WIPF1: variants seen among roughly 807,000 people sequenced by gnomAD.
WIPF1 encodes the protein WAS/WASL-interacting protein family member 1.
A neutral mutation model predicts 35.4 loss-of-function variants in WIPF1; 13 were observed. That is an observed-to-expected ratio of 0.37 (90% CI 0.24 to 0.58). The LOEUF is 0.58. WIPF1 is among the 20% of genes least tolerant of loss of function. WIPF1 has a pLI of 0.74. For missense variants in WIPF1, 591 were observed against 667.0 expected (o/e 0.89, Z 1.25); for synonymous variants, 267 against 266.3 (o/e 1.00, Z -0.02).
rs1292930575 is a variant in WIPF1 at position 174,559,643 on chromosome 2, C to T, written c.*2904G>A. ...GATGTCTAGGGTAGTCTCTACCCTA[C>T]CACTTACACTATCCTGATGACACAG... On this transcript the variant is annotated 3_prime_UTR_variant, in exon 8 of 8. Coordinates refer to ENST00000679041, the MANE Select transcript of WIPF1 (RefSeq NM_001375834.1). 3 of 152,196 alleles carry T rather than the reference C, an allele frequency of 2.0e-5. No homozygotes were observed. The highest frequency in any genetic ancestry group is 6.5e-5 in the Admixed American group (1 of 15,280). 9.4% of individuals were successfully genotyped at this position (152,196 alleles called of 1,614,324 possible). A position where few individuals can be genotyped will look rare whatever the true frequency, so the allele number is the denominator to read the frequency against.
chr2:174,588,052 G>T (rs1685480717), intron 1 of WIPF1, among the ~76,000 whole-genome samples: 1 of 152,170 alleles, frequency 6.6e-6, no homozygotes, highest in African/African-American at 2.4e-5. Flanking sequence ...CTCCATCAAG[G>T]GGCATCTCCA....
intron 3 of WIPF1, among the ~76,000 whole-genome samples, chr2:174,580,403 C>T (rs1327480877): frequency 6.6e-6 from 1 of 152,188 alleles, no homozygotes. Flanking sequence ...TCCTTCTCTA[C>T]TCATTAGGTA....
intron 1 of WIPF1, among the ~76,000 whole-genome samples, chr2:174,677,304 G>C (rs917694992): frequency 2.0e-5 from 3 of 152,244 alleles, no homozygotes; most frequent in African/African-American, 7.2e-5. Context: ...ATCTTACAGA[G>C]TGGAATAAAT....
chr2:174,632,644 G>T (rs1242048532), intron 1 of WIPF1, among the ~76,000 whole-genome samples: 1 of 149,318 alleles, frequency 6.7e-6, no homozygotes, highest in African/African-American at 2.5e-5. Context: ...AGAAGGCAGG[G>T]GTTGCAGTGA....
At chr2:174,567,769 G>A in intron 6 of WIPF1, 92 bp downstream of exon 6, 1 of 1,381,244 alleles carries the variant, frequency 7.2e-7, no homozygotes, top group South Asian at 1.4e-5. Context: ...GATGGAACAA[G>A]AAATTAAACG....
At chr2:174,667,995 A>G (rs1221089745) in intron 1 of WIPF1, among the ~76,000 whole-genome samples, 1 of 152,132 alleles carries the variant, frequency 6.6e-6, no homozygotes, top group Non-Finnish European at 1.5e-5. Context: ...CAAACTCTAC[A>G]GGACAGCTAC....
intron 1 of WIPF1, among the ~76,000 whole-genome samples, chr2:174,589,025 G>C (rs1044297956): frequency 4.8e-4 from 73 of 152,286 alleles, no homozygotes; most frequent in African/African-American, 1.7e-3. Context: ...CTGAACAACT[G>C]CTGGGCACGG....
At chr2:174,649,839 C>T (rs1255042157) in intron 1 of WIPF1, among the ~76,000 whole-genome samples, 3 of 152,166 alleles carry the variant, frequency 2.0e-5, no homozygotes, top group Non-Finnish European at 4.4e-5. Context: ...TCTGAATAGA[C>T]GTAATTTCTA....
At chr2:174,606,972 T>C (rs1322948805) in intron 1 of WIPF1, among the ~76,000 whole-genome samples, 1 of 152,180 alleles carries the variant, frequency 6.6e-6, no homozygotes, top group Non-Finnish European at 1.5e-5. Context: ...TCTTGCCGTG[T>C]CATTACCATG....
chr2:174,669,607 C>T (rs936694500), intron 1 of WIPF1, among the ~76,000 whole-genome samples: 6 of 152,216 alleles, frequency 3.9e-5, no homozygotes, highest in Admixed American at 6.5e-5. Flanking sequence ...CAGAGCTGGG[C>T]GCCGTGGCTC....
intron 1 of WIPF1, chr2:174,676,816 T>C (rs1030139616): frequency 2.6e-5 from 4 of 152,210 alleles, no homozygotes; most frequent in African/African-American, 9.6e-5. Context: ...AGAATCATGG[T>C]TATTTTTTAA....
intron 7 of WIPF1, among the ~76,000 whole-genome samples, chr2:174,563,265 T>C (rs903872255): frequency 6.6e-6 from 1 of 152,230 alleles, no homozygotes; most frequent in Non-Finnish European, 1.5e-5. Context: ...ACTCTGTCGA[T>C]GTGTTCTTTT....
chr2:174,658,462 G>A (rs1687691916), intron 1 of WIPF1, among the ~76,000 whole-genome samples: 2 of 152,160 alleles, frequency 1.3e-5, no homozygotes, highest in African/African-American at 4.8e-5. Context: ...ATTCAGCAGG[G>A]CAAGGTGAGA....
chr2:174,606,936 C>T (rs1228185950), intron 1 of WIPF1, among the ~76,000 whole-genome samples: 7 of 152,042 alleles, frequency 4.6e-5, no homozygotes, highest in African/African-American at 1.7e-4. Flanking sequence ...AGTCCAAGGT[C>T]GAGGGGCCAC....
Position 174,635,525 on chromosome 2 carries a change from G to GTTTTT in WIPF1, c.-39+47248_-39+47249insAAAAA, listed in dbSNP as rs1179795195. On this transcript the variant is annotated intron_variant, in intron 1 of 8. Coordinates refer to the WIPF1 transcript ENST00000272746. ...CTTGTTCTACTCACTGGTGCCTTCT[G>GTTTTT]TTTGTTTTTTTTTTTTTTTTTTTTT... is the stretch of plus-strand genomic sequence containing the variant. Among the ~76,000 whole-genome samples the GTTTTT allele has an allele frequency of 3.5e-4, 44 of 126,156 alleles. 2 individuals are homozygous for GTTTTT. Among genetic ancestry groups the GTTTTT allele is most frequent in the African/African-American group, 1.0e-3 (33 of 31,812 alleles). The allele number at this position is 126,156 out of a possible 152,430, so 82.8% of individuals were successfully genotyped here. A position where few individuals can be genotyped will look rare whatever the true frequency, so the allele number is the denominator to read the frequency against.
At chr2:174,599,817 A>ATCTCTCTC (rs60827805), upstream of WIPF1, among the ~76,000 whole-genome samples, 1 of 139,448 alleles carries the variant, frequency 7.2e-6, no homozygotes, top group African/African-American at 2.6e-5. Flanking sequence ...CTCTCTAGCT[A>ATCTCTCTC]TCTCTCTCTC....
At chr2:174,601,119 G>A (rs1174051466), upstream of WIPF1, among the ~76,000 whole-genome samples, 1 of 151,730 alleles carries the variant, frequency 6.6e-6, no homozygotes, top group African/African-American at 2.4e-5. Flanking sequence ...TAGAGACGGG[G>A]TTTCGCCATG....
intron 1 of WIPF1, among the ~76,000 whole-genome samples, chr2:174,642,825 G>C (rs557514767): frequency 6.7e-6 from 1 of 148,914 alleles, no homozygotes; most frequent in Non-Finnish European, 1.5e-5. Flanking sequence ...CCTCCTCCAC[G>C]TTTCTTATTT....
intron 1 of WIPF1, among the ~76,000 whole-genome samples, chr2:174,652,791 TA>T (rs78645163): frequency 0.019 from 2,620 of 135,904 alleles, 27 homozygotes; most frequent in Middle Eastern, 0.041. Context: ...AAATTCCATT[TA>T]AAAAAAAAAA....
Sources: gnomAD v4.1 joint callset for allele counts (sites outside exome capture counted in the v4.1 genomes callset) on GRCh38, gnomAD v4.1.1 for gene constraint, MANE v1.5 for transcripts, NCBI Gene and HGNC (gene_info 2026-07-23, HGNC 2026-07-21) for gene names.